Variants in CCDC171 observed in about 807,000 individuals in gnomAD.
CCDC171 encodes coiled-coil domain containing 171, also known as coiled-coil domain-containing protein 171.
CCDC171 carries 177 observed loss-of-function variants against 168.2 expected under a neutral mutation model. That is an observed-to-expected ratio of 1.05 (90% confidence interval 0.93 to 1.19). The LOEUF (loss-of-function observed/expected upper bound fraction) is 1.19. Among genes scored for constraint, CCDC171 ranks in the 50% most tolerant of loss-of-function variants. The probability of loss-of-function intolerance (pLI) is 0.00; values close to 1 mark genes in which losing one functional copy is unlikely to be tolerated. For synonymous variants in CCDC171, 687 were observed against 540.8 expected, an observed-to-expected ratio of 1.27 and a Z score of -3.75; for missense variants, 1,991 against 1,539.0, an observed-to-expected ratio of 1.29 and a Z score of -4.91.
At chr9:15,662,993 A>G (rs1179403604) in intron 8 of CCDC171, among the ~76,000 whole-genome samples, 4 of 151,834 alleles carry the variant, frequency 2.6e-5, no homozygotes, top group African/African-American at 9.7e-5. Flanking sequence ...CAACAACAAC[A>G]ACAACAACAA....
At chr9:15,769,200 T>G (rs1458099013) in intron 18 of CCDC171, among the ~76,000 whole-genome samples, 1 of 152,222 alleles carries the variant, frequency 6.6e-6, no homozygotes, top group Non-Finnish European at 1.5e-5. Flanking sequence ...TGCAGAAGTT[T>G]TTTTCTTGTC....
intron 25 of CCDC171, among the ~76,000 whole-genome samples, chr9:15,951,426 A>G (rs1258179912): frequency 6.6e-6 from 1 of 152,144 alleles, no homozygotes; most frequent in Non-Finnish European, 1.5e-5. Flanking sequence ...ACACTGTTGT[A>G]CTATTTTACA....
intron 18 of CCDC171, among the ~76,000 whole-genome samples, chr9:15,758,691 G>A (rs1193582905): frequency 6.6e-6 from 1 of 152,152 alleles, no homozygotes; most frequent in Non-Finnish European, 1.5e-5. Flanking sequence ...TTTCCCATGT[G>A]TTGTGGGAGG....
Position 15,971,882 on chromosome 9 carries a change from A to C in CCDC171, c.*46A>C, listed in dbSNP as rs1424661650. 5 of 1,472,036 alleles carry C rather than the reference A, an allele frequency of 3.4e-6. No individual in the cohort carries two copies. The highest frequency in any genetic ancestry group is 4.7e-6 in the Non-Finnish European group (5 of 1,059,854). The allele number at this position is 1,472,036 out of a possible 1,614,324, so 91.2% of individuals were successfully genotyped here. A position where few individuals can be genotyped will look rare whatever the true frequency, so the allele number is the denominator to read the frequency against. On this transcript the variant is annotated 3_prime_UTR_variant, in exon 26 of 26. Coordinates refer to ENST00000380701, the MANE Select transcript of CCDC171 (RefSeq NM_173550.4). ...GAGGAAGAGTTAACAGTACAATTAA[A>C]ATTGTTTTGAATGGGAATTTTCTTA...
At chr9:15,905,421 T>C (rs935643482) in intron 24 of CCDC171, among the ~76,000 whole-genome samples, 1 of 152,170 alleles carries the variant, frequency 6.6e-6, no homozygotes, top group African/African-American at 2.4e-5. Flanking sequence ...CCTGAATGAC[T>C]ACTGGGTACA....
chr9:15,834,474 T>C (rs181356287), intron 21 of CCDC171, among the ~76,000 whole-genome samples: 85 of 152,364 alleles, frequency 5.6e-4, no homozygotes, highest in African/African-American at 1.9e-3. Context: ...TGCACTGTTA[T>C]ATCACATCAC....
intron 21 of CCDC171, among the ~76,000 whole-genome samples, chr9:15,818,933 C>T (rs186557527): frequency 0.013 from 1,495 of 117,112 alleles, 427 homozygotes; most frequent in African/African-American, 0.046. Context: ...ATGTTAAGGG[C>T]AGCCAGAGAG....
At chr9:15,912,344 C>A (rs1014105432) in intron 24 of CCDC171, among the ~76,000 whole-genome samples, 10 of 152,110 alleles carry the variant, frequency 6.6e-5, no homozygotes, top group Non-Finnish European at 1.0e-4. Flanking sequence ...ATTTGGCTCT[C>A]TGTTTGTCTA....
intron 11 of CCDC171, among the ~76,000 whole-genome samples, chr9:15,719,986 G>A (rs968622518): frequency 6.7e-5 from 3 of 44,906 alleles, no homozygotes; most frequent in Non-Finnish European, 4.0e-4. Context: ...GAAGAGTACT[G>A]TCTCCTCTAT....
chr9:16,029,025 C>T (rs1833323764), intron 6 of CCDC171, among the ~76,000 whole-genome samples: 1 of 152,052 alleles, frequency 6.6e-6, no homozygotes, highest in Admixed American at 6.5e-5. Context: ...CCCCTCTTGG[C>T]CTCTTCTTCT....
intron 8 of CCDC171, among the ~76,000 whole-genome samples, chr9:16,037,510 G>A (rs1044704115): frequency 6.6e-6 from 1 of 152,168 alleles, no homozygotes; most frequent in Non-Finnish European, 1.5e-5. Context: ...AATACAGAGC[G>A]AGATCAGATC....
chr9:15,987,582 C>A (rs1403567504), intron 3 of CCDC171, among the ~76,000 whole-genome samples: 1 of 152,156 alleles, frequency 6.6e-6, no homozygotes, highest in African/African-American at 2.4e-5. Flanking sequence ...TAGCCAAATC[C>A]TGAAGATAAA....
At chr9:16,012,174 G>A (rs754712813) in intron 3 of CCDC171, among the ~76,000 whole-genome samples, 1 of 152,180 alleles carries the variant, frequency 6.6e-6, no homozygotes, top group Non-Finnish European at 1.5e-5. Flanking sequence ...TAAGACTGAA[G>A]GAGTGTGTCT....
the CCDC171 span, among the ~76,000 whole-genome samples, chr9:16,076,598 G>A: frequency 2.6e-5 from 4 of 152,096 alleles, no homozygotes; most frequent in African/African-American, 4.8e-5. Context: ...AGCTCTCTCC[G>A]CCCCACTCAG....
intron 24 of CCDC171, among the ~76,000 whole-genome samples, chr9:15,891,814 G>A (rs538895064): frequency 6.6e-6 from 1 of 152,160 alleles, no homozygotes; most frequent in South Asian, 2.1e-4. Flanking sequence ...CATGCAGGGA[G>A]GATGAATTAA....
intron 8 of CCDC171, among the ~76,000 whole-genome samples, chr9:16,037,527 C>CACTT (rs1303174930): frequency 6.6e-6 from 1 of 152,084 alleles, no homozygotes; most frequent in Non-Finnish European, 1.5e-5. Context: ...GATCCCCAGG[C>CACTT]ACTTCAGATA....
intron 7 of CCDC171, among the ~76,000 whole-genome samples, chr9:15,626,455 A>C (rs980459931): frequency 6.6e-6 from 1 of 152,194 alleles, no homozygotes; most frequent in African/African-American, 2.4e-5. Flanking sequence ...TGGGTTTGTC[A>C]TAAAGAGCTC....
At chr9:16,012,010 C>G (rs190734003) in intron 3 of CCDC171, among the ~76,000 whole-genome samples, 106 of 152,298 alleles carry the variant, frequency 7.0e-4, no homozygotes, top group Non-Finnish European at 1.4e-3. Context: ...TTGTCCTTTC[C>G]TTCTCAATCA....
At chr9:15,931,624 A>T (rs1424324105) in intron 25 of CCDC171, among the ~76,000 whole-genome samples, 7 of 150,704 alleles carry the variant, frequency 4.6e-5, no homozygotes, top group African/African-American at 1.7e-4. Context: ...GTTTAGTTTG[A>T]TGTAATCACA....
Sources: gnomAD v4.1 joint callset for allele counts (sites outside exome capture counted in the v4.1 genomes callset) on GRCh38, gnomAD v4.1.1 for gene constraint, MANE v1.5 for transcripts, NCBI Gene and HGNC (gene_info 2026-07-23, HGNC 2026-07-21) for gene names.